DCC: variants seen among roughly 807,000 people sequenced by gnomAD.
The protein encoded by DCC is netrin receptor DCC.
Under a neutral mutation model 172.5 loss-of-function variants are expected in DCC, and 58 were observed. The observed-to-expected ratio is 0.34, with a 90% CI of 0.27 to 0.42. The LOEUF (loss-of-function observed/expected upper bound fraction) is 0.42. Among genes scored for constraint, DCC ranks in the 10% least tolerant of loss-of-function variants. DCC has a pLI of 1.00. For synonymous variants in DCC, 709 were observed against 644.5 expected (o/e 1.10, Z -1.52); for missense variants, 1,740 against 1,791.0 (o/e 0.97, Z 0.51).
At chr18:52,728,197 A>G (rs184088334) in intron 1 of DCC, among the ~76,000 whole-genome samples, 81 of 147,194 alleles carry the variant, frequency 5.5e-4, no homozygotes, top group African/African-American at 1.7e-3. Context: ...CTCTCTCTCA[A>G]TCTCTCTCAA....
intron 14 of DCC, among the ~76,000 whole-genome samples, chr18:53,333,601 G>A (rs1406261496): frequency 2.0e-5 from 3 of 152,112 alleles, no homozygotes; most frequent in Non-Finnish European, 4.4e-5. Context: ...TGAGGTGAAC[G>A]AAGGCAAAAT....
At chr18:53,117,393 G>A (rs1568314742) in intron 7 of DCC, among the ~76,000 whole-genome samples, 1 of 151,724 alleles carries the variant, frequency 6.6e-6, no homozygotes, top group East Asian at 2.0e-4. Context: ...ACAGAAGGAA[G>A]CTTCAGAATC....
intron 1 of DCC, among the ~76,000 whole-genome samples, chr18:52,408,333 T>G (rs1337367787): frequency 6.6e-6 from 1 of 151,988 alleles, no homozygotes. Flanking sequence ...GCTTTTTTCA[T>G]GGAGGAAAGT....
At chr18:52,361,180 T>C (rs1984603074) in intron 1 of DCC, among the ~76,000 whole-genome samples, 1 of 152,240 alleles carries the variant, frequency 6.6e-6, no homozygotes, top group African/African-American at 2.4e-5. Flanking sequence ...AAGATATATA[T>C]GCTTATTATA....
intron 15 of DCC, among the ~76,000 whole-genome samples, chr18:53,351,418 C>CTGTATATATATATAT (rs2057806104): frequency 1.6e-4 from 3 of 19,278 alleles, no homozygotes; most frequent in African/African-American, 4.9e-4. Context: ...TATATATATA[C>CTGTATATATATATAT]ACACTGTGTA....
intron 15 of DCC, among the ~76,000 whole-genome samples, chr18:53,349,200 G>T (rs1217281291): frequency 1.3e-5 from 2 of 152,148 alleles, no homozygotes; most frequent in African/African-American, 2.4e-5. Context: ...CAAGTTGAAA[G>T]TTCCACAGAT....
At chr18:53,307,444 A>G (rs1439099512) in intron 13 of DCC, among the ~76,000 whole-genome samples, 4 of 152,142 alleles carry the variant, frequency 2.6e-5, no homozygotes, top group Non-Finnish European at 2.9e-5. Flanking sequence ...AAAATATTTT[A>G]GTATGGATTC....
intron 1 of DCC, among the ~76,000 whole-genome samples, chr18:52,425,738 A>C (rs1284554812): frequency 1.3e-5 from 2 of 152,106 alleles, no homozygotes; most frequent in Non-Finnish European, 2.9e-5. Context: ...TCCCAGGAAA[A>C]AAAGCAAAGT....
intron 8 of DCC, among the ~76,000 whole-genome samples, chr18:53,161,643 A>G (rs776261463): frequency 3.9e-5 from 6 of 152,134 alleles, no homozygotes; most frequent in Admixed American, 1.3e-4. Context: ...ATAAAACCAA[A>G]TACCTGTTAT....
At position 53,532,781 on chromosome 18, in the gene DCC, T is replaced by G. The variant is rs913391629; in HGVS notation, c.*2128T>G. 6.6e-6 allele frequency: 1 copy of G among 150,912 alleles called. No homozygotes were observed. Among genetic ancestry groups the G allele is most frequent in the African/African-American group, 2.4e-5 (1 of 40,948 alleles). 9.3% of individuals were successfully genotyped at this position (150,912 alleles called of 1,614,324 possible). A position where few individuals can be genotyped will look rare whatever the true frequency, so the allele number is the denominator to read the frequency against. On this transcript the variant is annotated 3_prime_UTR_variant, in exon 29 of 29. Coordinates refer to ENST00000442544, the MANE Select transcript of DCC (RefSeq NM_005215.4). Reference sequence around the variant, plus strand: ...GTTGCAAATCTCAGATTTTAGGGATTGAGTCACACCTTCAATCTATAGAAT... The same window carrying G: ...GTTGCAAATCTCAGATTTTAGGGATGGAGTCACACCTTCAATCTATAGAAT...
At chr18:53,281,139 AGT>A (rs2056866660) in intron 12 of DCC, among the ~76,000 whole-genome samples, 1 of 152,288 alleles carries the variant, frequency 6.6e-6, no homozygotes, top group African/African-American at 2.4e-5. Context: ...AGCACAATGT[AGT>A]ATGTGAGCAT....
At chr18:52,708,094 CAT>C (rs1158482191) in intron 1 of DCC, among the ~76,000 whole-genome samples, 1 of 152,154 alleles carries the variant, frequency 6.6e-6, no homozygotes, top group Non-Finnish European at 1.5e-5. Context: ...TCCAAAACAT[CAT>C]GTTGTATGCC....
chr18:53,465,000 AAGAG>A (rs2045602728), intron 24 of DCC, among the ~76,000 whole-genome samples: 1 of 150,964 alleles, frequency 6.6e-6, no homozygotes, highest in Non-Finnish European at 1.5e-5. Context: ...AAAAAAAAAA[AAGAG>A]AAGAAAAAAA....
At chr18:52,963,552 A>G (rs2040880487) in intron 5 of DCC, among the ~76,000 whole-genome samples, 1 of 152,152 alleles carries the variant, frequency 6.6e-6, no homozygotes, top group Non-Finnish European at 1.5e-5. Flanking sequence ...GGGCACACTG[A>G]GCATGTGTCC....
At chr18:52,393,393 C>A (rs147819006) in intron 1 of DCC, among the ~76,000 whole-genome samples, 84 of 152,134 alleles carry the variant, frequency 5.5e-4, no homozygotes, top group African/African-American at 1.9e-3. Flanking sequence ...AGTGTGGGAC[C>A]AATGGGAGCT....
In DCC at chr18:52,752,172, A is replaced by G. The variant is rs1038717902; in HGVS notation, c.210A>G (p.Pro70=). ...CCGCGGAGTCCGACCGAGGAGTTCC[A>G]GTGATCAAGTGGAAGAAAGATGGCA... ...DCSAESDRGV[P]VIKWKKDGIH... Residue 70 remains proline (P), a synonymous_variant, in exon 2 of 29, where the codon CCA becomes CCG. Transcript: ENST00000442544. 1.9e-6 allele frequency: 3 copies of G among 1,614,052 alleles called. No homozygotes were observed. Among genetic ancestry groups the G allele is most frequent in the Admixed American group, 3.3e-5 (2 of 59,996 alleles).
At chr18:52,800,657 A>G (rs1044968462) in intron 2 of DCC, among the ~76,000 whole-genome samples, 16 of 151,932 alleles carry the variant, frequency 1.1e-4, no homozygotes, top group African/African-American at 3.6e-4. Flanking sequence ...CTTATGAATC[A>G]GTGACTTCTC....
intron 1 of DCC, among the ~76,000 whole-genome samples, chr18:52,496,206 C>T (rs1206669743): frequency 6.6e-6 from 1 of 151,932 alleles, no homozygotes; most frequent in Non-Finnish European, 1.5e-5. Context: ...TACAGAATAT[C>T]GACAAGGTAA....
chr18:52,481,771 C>T (rs2029971925), intron 1 of DCC, among the ~76,000 whole-genome samples: 1 of 151,890 alleles, frequency 6.6e-6, no homozygotes, highest in South Asian at 2.1e-4. Flanking sequence ...AGGTCCTCAT[C>T]AGCAAAATGG....
Sources: allele counts gnomAD v4.1 joint callset (sites outside exome capture counted in the v4.1 genomes callset), GRCh38; gene constraint gnomAD v4.1.1; transcripts MANE v1.5; gene names NCBI Gene and HGNC (gene_info 2026-07-23, HGNC 2026-07-21).